RELCH: variants seen among roughly 807,000 people sequenced by gnomAD.
The protein encoded by RELCH is RAB11-binding protein RELCH.
Under a neutral mutation model 150.3 loss-of-function variants are expected in RELCH, and 41 were observed. The ratio of observed to expected loss-of-function variants is 0.27; its 90% CI spans 0.21 to 0.35. The LOEUF (loss-of-function observed/expected upper bound fraction) is 0.35, where lower values mean the gene tolerates loss of function less well. Ranked by LOEUF, RELCH falls within the 10% of genes least tolerant of loss-of-function variation. The probability of loss-of-function intolerance (pLI) is 1.00; values close to 1 mark genes in which losing one functional copy is unlikely to be tolerated. For missense variants in RELCH, 1,092 were observed against 1,467.8 expected, an observed-to-expected ratio of 0.74 and a Z score of 4.18; for synonymous variants, 478 against 531.8, an observed-to-expected ratio of 0.90 and a Z score of 1.39.
chr18:62,212,028 A>G (rs2040203218), intron 2 of RELCH, among the ~76,000 whole-genome samples: 1 of 152,174 alleles, frequency 6.6e-6, no homozygotes, highest in South Asian at 2.1e-4. Flanking sequence ...GCTAATTTCA[A>G]TCTTCCTCCC....
chr18:62,298,945 T>C (rs2045542656), intron 28 of RELCH, 85 bp downstream of exon 28: 4 of 738,328 alleles, frequency 5.4e-6, no homozygotes, highest in Non-Finnish European at 7.0e-6. Context: ...TAATGTGTCA[T>C]TTTGTGTTAC....
chr18:62,212,803 G>A (rs960901009), intron 2 of RELCH, among the ~76,000 whole-genome samples: 3 of 152,226 alleles, frequency 2.0e-5, no homozygotes, highest in African/African-American at 7.2e-5. Context: ...GATTAGGTTT[G>A]ATCTAATTTA....
At chr18:62,268,207 G>T (rs1381744317) in intron 19 of RELCH, among the ~76,000 whole-genome samples, 1 of 152,070 alleles carries the variant, frequency 6.6e-6, no homozygotes, top group Non-Finnish European at 1.5e-5. Flanking sequence ...AGCTGTTGGT[G>T]CTGTGAATGA....
rs144111275 is a variant in RELCH, at chr18:62,227,363, T to C, written c.933T>C (p.Phe311=). 8 of 1,612,934 alleles carry C rather than the reference T, an allele frequency of 5.0e-6. No homozygotes were observed. Among genetic ancestry groups the C allele is most frequent in the Non-Finnish European group, 6.8e-6 (8 of 1,179,232 alleles). The stretch of plus-strand genomic sequence containing the variant: ...ACTTATTGCAACTCTACCGGGATTT[T>C]GGAAATCATCAAGTAACTGGAAAAG... ...PPDLLQLYRD[F]GNHQVTGKDL... The change falls in exon 6 of 29, where the codon TTT becomes TTC. Residue 311 remains phenylalanine (F), a synonymous_variant. Coordinates refer to ENST00000644646, the MANE Select transcript of RELCH (RefSeq NM_001346231.2).
chr18:62,206,405 G>A (rs1278136050), intron 1 of RELCH, among the ~76,000 whole-genome samples: 1 of 152,154 alleles, frequency 6.6e-6, no homozygotes, highest in Non-Finnish European at 1.5e-5. Flanking sequence ...GGATTTAAAG[G>A]CAAGTGGTAC....
chr18:62,293,073 T>C (rs1568444655), intron 27 of RELCH, among the ~76,000 whole-genome samples: 1 of 152,206 alleles, frequency 6.6e-6, no homozygotes, highest in African/African-American at 2.4e-5. Context: ...GCCCCAGCCA[T>C]GCCAAACTAA....
At chr18:62,231,762 C>T (rs564703201) in intron 9 of RELCH, among the ~76,000 whole-genome samples, 1 of 151,598 alleles carries the variant, frequency 6.6e-6, no homozygotes, top group South Asian at 2.1e-4. Flanking sequence ...TGTGTACTCA[C>T]TCCTCCTTTT....
chr18:62,301,824 A>G (rs139401429), intron 28 of RELCH, among the ~76,000 whole-genome samples: 2 of 152,364 alleles, frequency 1.3e-5, no homozygotes, highest in African/African-American at 2.4e-5. Flanking sequence ...TGGATGGGAA[A>G]GTAACAATAA....
chr18:62,229,072 T>C lies in RELCH; in HGVS notation c.1448+474T>C, dbSNP rs183575444. ...TGTTAATTCATATGTTTAATTTATA[T>C]TGGGTGTCAGAACTCGCAGATGACA... On this transcript the variant is annotated intron_variant, in intron 8 of 28. Coordinates refer to ENST00000644646, the MANE Select transcript of RELCH (RefSeq NM_001346231.2). Among the ~76,000 whole-genome samples, 318 of 152,234 alleles carry C rather than the reference T, an allele frequency of 2.1e-3. 4 individuals are homozygous for C. The highest frequency in any genetic ancestry group is 7.4e-3 in the African/African-American group (308 of 41,570).
intron 28 of RELCH, among the ~76,000 whole-genome samples, chr18:62,303,711 T>C (rs562987595): frequency 1.3e-5 from 2 of 152,338 alleles, no homozygotes; most frequent in Admixed American, 1.3e-4. Context: ...AACAATAGAC[T>C]GGACAAACCT....
intron 13 of RELCH, among the ~76,000 whole-genome samples, chr18:62,256,094 A>G (rs2042980458): frequency 6.6e-6 from 1 of 152,114 alleles, no homozygotes; most frequent in Admixed American, 6.6e-5. Flanking sequence ...CCTTTGCTGC[A>G]TACTGAAAAA....
chr18:62,219,325 C>CTTTTTTTTTTTTTTTTTTTTTTTTTT (rs202196452), intron 2 of RELCH, among the ~76,000 whole-genome samples: 1 of 112,876 alleles, frequency 8.9e-6, no homozygotes, highest in Non-Finnish European at 1.8e-5. Context: ...TTCTTTTTTT[C>CTTTTTTTTTTTTTTTTTTTTTTTTTT]TTTTTTTTTT....
At chr18:62,303,426 T>G (rs2045753940) in intron 28 of RELCH, among the ~76,000 whole-genome samples, 1 of 152,234 alleles carries the variant, frequency 6.6e-6, no homozygotes, top group Non-Finnish European at 1.5e-5. Context: ...TTCATTCCTT[T>G]CATTTTTACC....
rs566947424 is a variant in RELCH at position 62,187,380 on chromosome 18, G to C, written c.-126G>C. On this transcript the variant is annotated 5_prime_UTR_variant, in exon 1 of 29. Coordinates refer to ENST00000644646, the MANE Select transcript of RELCH (RefSeq NM_001346231.2). ...CTTGGAGCGTACTCCTTGTCTCTAA[G>C]TCGGGAGGCAGGACGTGGTCAGGCC... is the stretch of plus-strand genomic sequence containing the variant. The C allele has an allele frequency of 2.3e-6, 2 of 858,744 alleles. No homozygotes were observed. The highest frequency in any genetic ancestry group is 2.8e-5 in the Admixed American group (1 of 36,322). 53.2% of individuals were successfully genotyped at this position (858,744 alleles called of 1,614,324 possible).
chr18:62,196,047 A>T (rs1458777435), intron 1 of RELCH, among the ~76,000 whole-genome samples: 1 of 152,072 alleles, frequency 6.6e-6, no homozygotes, highest in African/African-American at 2.4e-5. Flanking sequence ...CTCTGAAAGC[A>T]TATATCTAAC....
At chr18:62,210,299 G>C (rs532935436) in intron 1 of RELCH, among the ~76,000 whole-genome samples, 3 of 151,988 alleles carry the variant, frequency 2.0e-5, no homozygotes, top group Non-Finnish European at 4.4e-5. Context: ...CCCATCTCTT[G>C]CCTCATCAGT....
chr18:62,193,437 G>C, intron 1 of RELCH, among the ~76,000 whole-genome samples: 1 of 152,242 alleles, frequency 6.6e-6, no homozygotes, highest in East Asian at 1.9e-4. Flanking sequence ...TCCTTGTCTT[G>C]TGCCAGTTTT....
Position 62,261,526 on chromosome 18 carries a change from C to G in RELCH, c.2218C>G (p.Leu740Val), listed in dbSNP as rs769946420. Residue 740 changes from leucine to valine, a missense_variant, in exon 16 of 29, where the codon CTG becomes GTG. Around this residue, in one of 4 missense-constraint regions of RELCH, gnomAD observed 707 missense variants for 1,025.4 expected, o/e 0.69. Transcript: ENST00000644646. Reference protein sequence around the residue: ...EKLLREGEHGLDEHKLHMYLS... With the variant: ...EKLLREGEHGVDEHKLHMYLS... ...TATGTTTCAGGAAGGAGAACATGGA[C>G]TGGATGAACACAAACTCCACATGTA... is the stretch of plus-strand genomic sequence containing the variant. The G allele has an allele frequency of 6.2e-7, 1 of 1,611,508 alleles. No individual in the cohort carries two copies. The highest frequency in any genetic ancestry group is 8.5e-7 in the Non-Finnish European group (1 of 1,178,474).
chr18:62,303,318 A>G (rs2045748519), intron 28 of RELCH, among the ~76,000 whole-genome samples: 1 of 152,296 alleles, frequency 6.6e-6, no homozygotes, highest in Admixed American at 6.5e-5. Flanking sequence ...ACGCAGATAT[A>G]TACACCCCTG....
Sources: allele counts gnomAD v4.1 joint callset (sites outside exome capture counted in the v4.1 genomes callset), GRCh38; gene constraint gnomAD v4.1.1; regional missense constraint gnomAD v4.1.1; transcripts MANE v1.5; gene names NCBI Gene and HGNC (gene_info 2026-07-23, HGNC 2026-07-21).